GPX8: variants seen among roughly 807,000 people sequenced by gnomAD.
GPX8 encodes protein peroxidase GPX8.
GPX8 carries 12 observed loss-of-function variants against 17.8 expected under a neutral mutation model. The ratio of observed to expected loss-of-function variants is 0.67; its 90% CI spans 0.43 to 1.09. The LOEUF is 1.09. Among genes scored for constraint, GPX8 ranks in the 50% least tolerant of loss-of-function variants. GPX8 has a pLI of 0.00. For missense variants in GPX8, 209 were observed against 235.6 expected (o/e 0.89, Z 0.74); for synonymous variants, 86 against 88.1 (o/e 0.98, Z 0.14).
Position 55,164,524 on chromosome 5 carries a change from G to T in GPX8, c.*306G>T. On this transcript the variant is annotated 3_prime_UTR_variant, in exon 3 of 3. Coordinates refer to ENST00000503787, the MANE Select transcript of GPX8 (RefSeq NM_001008397.4). ...ATGAAATATATTAACTACTTCCTCT[G>T]ACCATACTAAAGAATTCAGAATACA... is the stretch of plus-strand genomic sequence containing the variant. 5.7e-6 allele frequency: 1 copy of T among 176,622 alleles called. No individual in the cohort carries two copies. Among genetic ancestry groups the T allele is most frequent in the Non-Finnish European group, 1.2e-5 (1 of 84,448 alleles). 10.9% of individuals were successfully genotyped at this position (176,622 alleles called of 1,614,324 possible). A position where few individuals can be genotyped will look rare whatever the true frequency, so the allele number is the denominator to read the frequency against.
At position 55,165,257 on chromosome 5, in the gene GPX8, C is replaced by T. The variant is rs562136263; in HGVS notation, c.*1039C>T. 3 of 152,048 alleles carry T rather than the reference C, an allele frequency of 2.0e-5. No individual in the cohort carries two copies. The highest frequency in any genetic ancestry group is 4.4e-5 in the Non-Finnish European group (3 of 68,002). The allele number at this position is 152,048 out of a possible 1,614,324, so 9.4% of individuals were successfully genotyped here. A position where few individuals can be genotyped will look rare whatever the true frequency, so the allele number is the denominator to read the frequency against. On this transcript the variant is annotated 3_prime_UTR_variant, in exon 3 of 3. Coordinates refer to ENST00000503787, the MANE Select transcript of GPX8 (RefSeq NM_001008397.4). The stretch of plus-strand genomic sequence containing the variant: ...CACTGAACCTCTTAGAGTCACAAGG[C>T]ATTTCTTCTCCCAAAGTCATGACCT...
chr5:55,161,331 T>C, intron 2 of GPX8, 76 bp downstream of exon 2: 1 of 1,346,176 alleles, frequency 7.4e-7, no homozygotes, highest in South Asian at 1.4e-5. Context: ...AATACTTTCC[T>C]ATTTCATTTG....
chr5:55,160,532 A>G (rs1743992301), intron 1 of GPX8, 136 bp downstream of exon 1: 1 of 630,450 alleles, frequency 1.6e-6, no homozygotes, highest in South Asian at 2.0e-5. Flanking sequence ...TTAGTACATC[A>G]CTTTAGTTAT....
chr5:55,160,511 G>C, intron 1 of GPX8, 115 bp downstream of exon 1: 1 of 717,478 alleles, frequency 1.4e-6, no homozygotes, highest in East Asian at 2.7e-5. Context: ...TTAGTCTTCA[G>C]AGTAATGGTA....
chr5:55,160,514 T>A, intron 1 of GPX8, 118 bp downstream of exon 1: 1 of 695,892 alleles, frequency 1.4e-6, no homozygotes, highest in Non-Finnish European at 2.5e-6. Flanking sequence ...GTCTTCAGAG[T>A]AATGGTATTA....
chr5:55,162,380 G>T (rs1319758418), intron 2 of GPX8, among the ~76,000 whole-genome samples: 2 of 152,138 alleles, frequency 1.3e-5, no homozygotes, highest in African/African-American at 4.8e-5. Flanking sequence ...GGGCGACAGA[G>T]CAAGCCTGCA....
chr5:55,160,507 T>C (rs1280730521), intron 1 of GPX8, 111 bp downstream of exon 1: 3 of 735,610 alleles, frequency 4.1e-6, no homozygotes, highest in African/African-American at 3.5e-5. Flanking sequence ...GAATTTAGTC[T>C]TCAGAGTAAT....
rs1744356614 is a variant in GPX8 at position 55,165,880 on chromosome 5, A to G, written c.*1662A>G. 6.6e-6 allele frequency: 1 copy of G among 152,250 alleles called. No homozygotes were observed. Among genetic ancestry groups the G allele is most frequent in the South Asian group, 2.1e-4 (1 of 4,832 alleles). 9.4% of individuals were successfully genotyped at this position (152,250 alleles called of 1,614,324 possible). On this transcript the variant is annotated 3_prime_UTR_variant, in exon 3 of 3. Coordinates refer to ENST00000503787, the MANE Select transcript of GPX8 (RefSeq NM_001008397.4). ...TTTGCAACTCTAAAAGTCAATTAAC[A>G]CACTTACTAAGGTGTTTTAAGTGAC...
At chr5:55,160,945 A>T (rs756750217) in intron 1 of GPX8, 49 bp from the exon 2 acceptor site, 5 of 1,567,830 alleles carry the variant, frequency 3.2e-6, no homozygotes, top group African/African-American at 2.8e-5. Flanking sequence ...AGAATTTTTT[A>T]AAATCTTTTG....
intron 2 of GPX8, among the ~76,000 whole-genome samples, chr5:55,161,568 A>G (rs148309182): frequency 5.3e-5 from 8 of 152,340 alleles, no homozygotes; most frequent in African/African-American, 1.9e-4. Context: ...CCTCTCTTGT[A>G]ACTAGCATCT....
At chr5:55,163,924 G>T (rs1437451851) in intron 2 of GPX8, 131 bp from the exon 3 acceptor site, 2 of 608,868 alleles carry the variant, frequency 3.3e-6, no homozygotes, top group East Asian at 6.1e-5. Context: ...TCGTTTGGGT[G>T]TTTTGTTTTT....
intron 2 of GPX8, 79 bp downstream of exon 2, chr5:55,161,334 T>C: frequency 7.5e-7 from 1 of 1,330,412 alleles, no homozygotes; most frequent in Non-Finnish European, 1.0e-6. Flanking sequence ...ACTTTCCTAT[T>C]TCATTTGAAA....
rs772943677 is a variant in GPX8, at chr5:55,164,935, C to T, written c.*717C>T. ...TCATCATTTTCAGTATTTCTCTCTG[C>T]ATTATTTTTTAGAAGCAACTCAAAT... On this transcript the variant is annotated 3_prime_UTR_variant, in exon 3 of 3. Coordinates refer to ENST00000503787, the MANE Select transcript of GPX8 (RefSeq NM_001008397.4). 1 of 152,078 alleles carries T rather than the reference C, an allele frequency of 6.6e-6. No homozygotes were observed. Among genetic ancestry groups the T allele is most frequent in the Non-Finnish European group, 1.5e-5 (1 of 68,012 alleles). 9.4% of individuals were successfully genotyped at this position (152,078 alleles called of 1,614,324 possible).
intron 1 of GPX8, 32 bp from the exon 2 acceptor site, chr5:55,160,962 T>G (rs769667429): frequency 1.9e-5 from 30 of 1,583,192 alleles, no homozygotes. Flanking sequence ...TTTGCTTCAC[T>G]TTCCGGTTGG....
chr5:55,161,419 T>C (rs1455912172), intron 2 of GPX8, among the ~76,000 whole-genome samples, 164 bp downstream of exon 2: 2 of 152,262 alleles, frequency 1.3e-5, no homozygotes. Flanking sequence ...CTAGGAGTTA[T>C]GCTCCCCTGA....
intron 2 of GPX8, among the ~76,000 whole-genome samples, chr5:55,163,460 C>A (rs1193095579): frequency 6.6e-6 from 1 of 152,092 alleles, no homozygotes; most frequent in Non-Finnish European, 1.5e-5. Context: ...GTGGCACACA[C>A]CTGTAATCCC....
At chr5:55,162,877 G>T (rs922853071) in intron 2 of GPX8, among the ~76,000 whole-genome samples, 2 of 152,170 alleles carry the variant, frequency 1.3e-5, no homozygotes, top group Non-Finnish European at 1.5e-5. Flanking sequence ...AGATAGGAAG[G>T]ATCATAGAGC....
intron 1 of GPX8, chr5:55,160,710 A>C: frequency 2.2e-6 from 1 of 456,260 alleles, no homozygotes; most frequent in South Asian, 3.9e-5. Context: ...TCTATAATCT[A>C]ATAACTTTAA....
chr5:55,160,351 G>A lies in GPX8; in HGVS notation c.159G>A (p.Lys53=). 6.2e-7 allele frequency: 1 copy of A among 1,613,390 alleles called. No individual in the cohort carries two copies. The highest frequency in any genetic ancestry group is 8.5e-7 in the Non-Finnish European group (1 of 1,179,960). Residue 53 remains lysine, a synonymous_variant, in exon 1 of 3, where the codon AAG becomes AAA. Coordinates refer to ENST00000503787, the MANE Select transcript of GPX8 (RefSeq NM_001008397.4). The part of the protein sequence containing the change: ...KINSFYAFEV[K]DAKGRTVSLE... ...ACAGCTTTTATGCCTTTGAAGTGAA[G>A]GATGCAAAAGGAAGAACTGTTTCTC...
Sources: gnomAD v4.1 joint callset for allele counts (sites outside exome capture counted in the v4.1 genomes callset) on GRCh38, gnomAD v4.1.1 for gene constraint, MANE v1.5 for transcripts, NCBI Gene and HGNC (gene_info 2026-07-23, HGNC 2026-07-21) for gene names.